EFCAB6: variants seen among roughly 807,000 people sequenced by gnomAD.
EFCAB6 encodes the protein EF-hand calcium binding domain 6, also known as EF-hand calcium-binding domain-containing protein 6.
Under a neutral mutation model 169.8 loss-of-function variants are expected in EFCAB6, and 156 were observed. The ratio of observed to expected loss-of-function variants is 0.92; its 90% CI spans 0.81 to 1.05. The LOEUF is 1.05. Among genes scored for constraint, EFCAB6 ranks in the 50% least tolerant of loss-of-function variants. The probability of loss-of-function intolerance (pLI) is 0.00; values close to 1 mark genes in which losing one functional copy is unlikely to be tolerated. For synonymous variants in EFCAB6, 698 were observed against 676.4 expected, an observed-to-expected ratio of 1.03 and a Z score of -0.50; for missense variants, 1,800 against 1,829.1, an observed-to-expected ratio of 0.98 and a Z score of 0.29.
intron 7 of EFCAB6, among the ~76,000 whole-genome samples, chr22:43,732,576 C>T (rs1320148399): frequency 6.7e-6 from 1 of 148,566 alleles, no homozygotes; most frequent in African/African-American, 2.5e-5. Flanking sequence ...AAGCGATTCT[C>T]GTGCCTCAGC....
intron 25 of EFCAB6, among the ~76,000 whole-genome samples, chr22:43,578,805 TGCAGGCATCATTCCCTACAC>T (rs1569188962): frequency 1.4e-5 from 1 of 70,982 alleles, no homozygotes; most frequent in South Asian, 4.4e-4. Context: ...ATTCCCTACA[TGCAGGCATCATTCCCTACAC>T]GCAGGCATCA....
intron 4 of EFCAB6, among the ~76,000 whole-genome samples, chr22:43,770,329 T>C (rs530187207): frequency 1.3e-5 from 2 of 152,306 alleles, no homozygotes; most frequent in East Asian, 3.9e-4. Flanking sequence ...ATTAGCTCTG[T>C]TCTGAAATAT....
chr22:43,656,918 C>T (rs1385634885), intron 17 of EFCAB6, among the ~76,000 whole-genome samples: 1 of 152,172 alleles, frequency 6.6e-6, no homozygotes, highest in African/African-American at 2.4e-5. Context: ...GTCATTAAGC[C>T]GCATATGACT....
At position 43,719,458 on chromosome 22, in the gene EFCAB6, G is replaced by A. The variant is rs114746787; in HGVS notation, c.758-2486C>T. ...AAGCAAGATGGTGGTGGCTTATTAA[G>A]AACACAAATGGAACCAAAACAGAAG... On this transcript the variant is annotated intron_variant, in intron 8 of 31. Coordinates refer to ENST00000262726, the MANE Select transcript of EFCAB6 (RefSeq NM_022785.4). 1.6e-3 allele frequency among the ~76,000 whole-genome samples: 245 copies of A among 152,276 alleles called. 1 individual carries two copies. Among genetic ancestry groups the A allele is most frequent in the African/African-American group, 5.3e-3 (222 of 41,570 alleles).
At chr22:43,786,748 A>G (rs1294191227) in intron 2 of EFCAB6, among the ~76,000 whole-genome samples, 1 of 151,912 alleles carries the variant, frequency 6.6e-6, no homozygotes, top group Non-Finnish European at 1.5e-5. Context: ...TTAAAAAAAG[A>G]AAGAAAAGAA....
Position 43,528,938 on chromosome 22 carries a change from T to C in EFCAB6, c.4421A>G (p.Glu1474Gly), listed in dbSNP as rs745935672. 6.2e-6 allele frequency: 10 copies of C among 1,608,580 alleles called. 1 individual carries two copies. The Admixed American group carries it at 1.7e-4, about 27-fold the overall frequency. The part of the protein sequence containing the change: ...RQYSINLSEE[E>G]FFHILEYYDK... The stretch of plus-strand genomic sequence containing the variant: ...GTAATACTCCAGAATATGGAAGAAC[T>C]CTTCCTCAGAGAGGTTGATGCTGTA... The change falls in exon 32 of 32, where the codon GAG (glutamate) becomes GGG (glycine). Residue 1474 changes from glutamate to glycine, a missense_variant. Transcript: ENST00000262726.
chr22:43,615,816 A>G lies in EFCAB6; in HGVS notation c.2562+10T>C, dbSNP rs1288624268. 1 of 1,606,450 alleles carries G rather than the reference A, an allele frequency of 6.2e-7. No individual in the cohort carries two copies. The highest frequency in any genetic ancestry group is 1.3e-5 in the African/African-American group (1 of 74,688). ...TTTCTTTCCTTTTAAGGAAATAATC[A>G]TTTTCTTACCTTAGACAAGTCTGAC... On this transcript the variant is annotated intron_variant, in intron 21 of 31. Transcript: ENST00000262726.
At chr22:43,736,983 TC>T (rs2060164490) in intron 6 of EFCAB6, among the ~76,000 whole-genome samples, 1 of 151,772 alleles carries the variant, frequency 6.6e-6, no homozygotes, top group Non-Finnish European at 1.5e-5. Context: ...TCCACACTCC[TC>T]CATGCCTCTC....
chr22:43,546,305 T>C (rs1203019166), intron 27 of EFCAB6, among the ~76,000 whole-genome samples: 2 of 152,162 alleles, frequency 1.3e-5, no homozygotes, highest in African/African-American at 4.8e-5. Context: ...AGAGAGATAA[T>C]GAACCTGAAG....
intron 27 of EFCAB6, among the ~76,000 whole-genome samples, chr22:43,543,799 CT>C (rs1602159394): frequency 6.6e-6 from 1 of 152,160 alleles, no homozygotes; most frequent in African/African-American, 2.4e-5. Flanking sequence ...AAAGGGACCC[CT>C]CTCAGGCACT....
intron 2 of EFCAB6, among the ~76,000 whole-genome samples, chr22:43,787,470 G>T (rs2062124922): frequency 1.3e-5 from 2 of 151,518 alleles, no homozygotes; most frequent in Non-Finnish European, 2.9e-5. Flanking sequence ...TACCTACAAT[G>T]AACAATCTGA....
intron 25 of EFCAB6, among the ~76,000 whole-genome samples, chr22:43,578,934 C>CATTGCTT (rs1301054267): frequency 6.7e-6 from 1 of 150,328 alleles, no homozygotes; most frequent in Non-Finnish European, 1.5e-5. Flanking sequence ...ACGTAGGCAT[C>CATTGCTT]ATTGCTTACA....
chr22:43,595,096 A>C (rs1044660731), intron 23 of EFCAB6, among the ~76,000 whole-genome samples: 1 of 152,150 alleles, frequency 6.6e-6, no homozygotes, highest in African/African-American at 2.4e-5. Flanking sequence ...GAAATACAAC[A>C]TACCAAAAAT....
At chr22:43,683,897 C>T (rs752077946) in intron 11 of EFCAB6, 42 bp from the exon 12 acceptor site, 4 of 1,477,700 alleles carry the variant, frequency 2.7e-6, no homozygotes, top group Admixed American at 1.7e-5. Context: ...AGATTATGTT[C>T]TTGAACTTTG....
In EFCAB6 at chr22:43,668,870, A is replaced by G. The variant is rs1371065934; in HGVS notation, c.1814+2T>C. 6.3e-7 allele frequency: 1 copy of G among 1,587,332 alleles called. No individual in the cohort carries two copies. Among genetic ancestry groups the G allele is most frequent in the Admixed American group, 1.8e-5 (1 of 56,924 alleles). On this transcript the variant is annotated splice_donor_variant, in intron 16 of 31. Coordinates refer to ENST00000262726, the MANE Select transcript of EFCAB6 (RefSeq NM_022785.4). LOFTEE classifies it high-confidence loss of function. Reference sequence around the variant, plus strand: ...ATGTGCATTCATTTTGCTTAATTTTACCTCTCAGAAAGATCTGGCTGCTGC... The same window carrying G: ...ATGTGCATTCATTTTGCTTAATTTTGCCTCTCAGAAAGATCTGGCTGCTGC...
chr22:43,740,074 C>T (rs959125911), intron 6 of EFCAB6, among the ~76,000 whole-genome samples: 18 of 152,118 alleles, frequency 1.2e-4, no homozygotes, highest in African/African-American at 4.1e-4. Context: ...CAGCCCCTCC[C>T]GCCTCAAGGC....
Position 43,590,243 on chromosome 22 carries a change from C to T in EFCAB6, c.2877-14G>A. 6.2e-7 allele frequency: 1 copy of T among 1,607,160 alleles called. No individual in the cohort carries two copies. Among genetic ancestry groups the T allele is most frequent in the South Asian group, 1.1e-5 (1 of 89,542 alleles). On this transcript the variant is annotated splice_polypyrimidine_tract_variant and intron_variant, in intron 23 of 31. Coordinates refer to ENST00000262726, the MANE Select transcript of EFCAB6 (RefSeq NM_022785.4). The stretch of plus-strand genomic sequence containing the variant: ...ATAAGCTTATCCCTGAAAGAGAGTA[C>T]ATTGCAGACATACCCTAAAATCAGG...
At chr22:43,677,960 A>G in intron 13 of EFCAB6, 36 bp downstream of exon 13, 1 of 1,587,236 alleles carries the variant, frequency 6.3e-7, no homozygotes, top group Non-Finnish European at 8.6e-7. Flanking sequence ...CCCAACATAA[A>G]GAGAAAACCA....
At chr22:43,755,729 G>A in intron 6 of EFCAB6, 37 bp downstream of exon 6, 1 of 1,538,126 alleles carries the variant, frequency 6.5e-7, no homozygotes, top group Non-Finnish European at 8.8e-7. Flanking sequence ...ACAATGGGTG[G>A]GGTGGGGGGA....
Sources: gnomAD v4.1 joint callset for allele counts (sites outside exome capture counted in the v4.1 genomes callset) on GRCh38, gnomAD v4.1.1 for gene constraint, MANE v1.5 for transcripts, NCBI Gene and HGNC (gene_info 2026-07-23, HGNC 2026-07-21) for gene names.